CNTNAP5: variants seen among roughly 807,000 people sequenced by gnomAD.
CNTNAP5 encodes contactin-associated protein-like 5.
CNTNAP5 carries 72 observed loss-of-function variants against 150.2 expected under a neutral mutation model. That is an observed-to-expected ratio of 0.48 (90% CI 0.40 to 0.58). CNTNAP5 has a LOEUF of 0.58. CNTNAP5 is among the 20% of genes least tolerant of loss of function. The pLI, the probability that CNTNAP5 is intolerant of heterozygous loss-of-function variation, is 0.00. For missense variants in CNTNAP5, 1,636 were observed against 1,626.2 expected (o/e 1.01, Z -0.10); for synonymous variants, 672 against 619.8 (o/e 1.08, Z -1.25).
chr2:124,590,331 T>A (rs971370592), intron 11 of CNTNAP5, among the ~76,000 whole-genome samples: 1 of 152,270 alleles, frequency 6.6e-6, no homozygotes, highest in South Asian at 2.1e-4. Context: ...TCTCTACCAA[T>A]CTCCTTTTAG....
chr2:124,621,216 T>C (rs1007777177), intron 12 of CNTNAP5, among the ~76,000 whole-genome samples: 1 of 152,124 alleles, frequency 6.6e-6, no homozygotes, highest in African/African-American at 2.4e-5. Flanking sequence ...AGTACAATTG[T>C]ACATTGATAT....
chr2:124,608,148 G>T (rs1435258426), intron 11 of CNTNAP5, among the ~76,000 whole-genome samples: 2 of 152,120 alleles, frequency 1.3e-5, no homozygotes, highest in Admixed American at 1.3e-4. Context: ...GTCACAAGGG[G>T]CAGGAGTTGG....
At position 124,884,030 on chromosome 2, in the gene CNTNAP5, T is replaced by C. The variant is rs184344704; in HGVS notation, c.3436+14268T>C. On this transcript the variant is annotated intron_variant, in intron 21 of 23. Coordinates refer to ENST00000682447, the MANE Select transcript of CNTNAP5 (RefSeq NM_001367498.1). ...CCATGCACGTGCATATGTGTATGCA[T>C]GTGTGCATGCATGTTCCACTCTGTG... is the stretch of plus-strand genomic sequence containing the variant. Among the ~76,000 whole-genome samples the C allele has an allele frequency of 3.9e-5, 6 of 152,226 alleles. No homozygotes were observed. The East Asian group carries it at 1.2e-3, about 30-fold the overall frequency.
intron 6 of CNTNAP5, among the ~76,000 whole-genome samples, chr2:124,448,750 A>C (rs1208344715): frequency 6.6e-6 from 1 of 152,248 alleles, no homozygotes; most frequent in Non-Finnish European, 1.5e-5. Flanking sequence ...AGAGACTCTA[A>C]GTGCTACAGA....
intron 12 of CNTNAP5, among the ~76,000 whole-genome samples, chr2:124,626,907 C>A (rs546119986): frequency 6.6e-6 from 1 of 152,064 alleles, no homozygotes; most frequent in African/African-American, 2.4e-5. Flanking sequence ...TTTAGTTTTC[C>A]CCTGACAGTG....
chr2:124,493,378 T>C (rs1694075935), intron 7 of CNTNAP5, among the ~76,000 whole-genome samples: 1 of 151,696 alleles, frequency 6.6e-6, no homozygotes, highest in Non-Finnish European at 1.5e-5. Context: ...TCTCGCTTTG[T>C]CACTTAGACT....
intron 21 of CNTNAP5, among the ~76,000 whole-genome samples, chr2:124,877,175 A>C (rs1420786949): frequency 6.6e-6 from 1 of 152,094 alleles, no homozygotes; most frequent in Non-Finnish European, 1.5e-5. Flanking sequence ...TAAATGAATC[A>C]CCTCATGATA....
intron 19 of CNTNAP5, among the ~76,000 whole-genome samples, chr2:124,860,489 TTCCTTCCTTCCTTCTTTCCTTCC>T (rs1677498809): frequency 9.2e-5 from 10 of 109,288 alleles, no homozygotes; most frequent in African/African-American, 3.4e-4. Context: ...CCTTCCTTCC[TTCCTTCCTTCCTTCTTTCCTTCC>T]TTCCTTCCTT....
intron 1 of CNTNAP5, among the ~76,000 whole-genome samples, chr2:124,121,272 A>G (rs1274012295): frequency 6.6e-6 from 1 of 152,182 alleles, no homozygotes; most frequent in African/African-American, 2.4e-5. Flanking sequence ...ACTTCAATTT[A>G]TTAGGTACAG....
At chr2:124,529,636 A>C (rs1398312384) in intron 10 of CNTNAP5, among the ~76,000 whole-genome samples, 1 of 152,128 alleles carries the variant, frequency 6.6e-6, no homozygotes, top group African/African-American at 2.4e-5. Context: ...TTTCATTTTT[A>C]ATGTGTTAAT....
chr2:124,253,888 A>G (rs997729178), intron 3 of CNTNAP5, among the ~76,000 whole-genome samples: 9 of 152,024 alleles, frequency 5.9e-5, no homozygotes, highest in African/African-American at 1.9e-4. Context: ...GTCACACTAG[A>G]TCAGGATTAT....
At chr2:124,048,836 T>A (rs1340502948) in intron 1 of CNTNAP5, among the ~76,000 whole-genome samples, 1 of 152,214 alleles carries the variant, frequency 6.6e-6, no homozygotes, top group Non-Finnish European at 1.5e-5. Context: ...CTCATAAGTA[T>A]ACAGCAGAAA....
At chr2:124,551,086 C>T (rs1284760047) in intron 10 of CNTNAP5, among the ~76,000 whole-genome samples, 2 of 152,030 alleles carry the variant, frequency 1.3e-5, no homozygotes, top group Admixed American at 6.5e-5. Flanking sequence ...GTTCAGTGGC[C>T]TTCACTGGCC....
intron 3 of CNTNAP5, among the ~76,000 whole-genome samples, chr2:124,334,521 T>C (rs1035997255): frequency 1.3e-5 from 2 of 152,142 alleles, no homozygotes; most frequent in Non-Finnish European, 2.9e-5. Context: ...GAAGTTTTCA[T>C]GGGAGAAACA....
intron 3 of CNTNAP5, among the ~76,000 whole-genome samples, chr2:124,345,607 T>C (rs1437960826): frequency 1.3e-5 from 2 of 152,224 alleles, no homozygotes; most frequent in South Asian, 4.1e-4. Context: ...CTCTTTCATA[T>C]GTCTGTCTTT....
intron 19 of CNTNAP5, among the ~76,000 whole-genome samples, chr2:124,799,619 C>T (rs537270842): frequency 6.6e-6 from 1 of 152,308 alleles, no homozygotes; most frequent in Admixed American, 6.5e-5. Context: ...AGAGTCCTCT[C>T]CAGGCCTTAT....
chr2:124,332,026 T>C (rs1488962941), intron 3 of CNTNAP5, among the ~76,000 whole-genome samples: 1 of 151,900 alleles, frequency 6.6e-6, no homozygotes, highest in Non-Finnish European at 1.5e-5. Flanking sequence ...ACATAAAATT[T>C]TTATGATTCA....
At chr2:124,800,452 T>G (rs186992521) in intron 19 of CNTNAP5, among the ~76,000 whole-genome samples, 2 of 152,252 alleles carry the variant, frequency 1.3e-5, no homozygotes, top group East Asian at 3.9e-4. Flanking sequence ...TTACTTCTCA[T>G]CACAACCCTG....
In CNTNAP5 at chr2:124,043,857, C is replaced by T. The variant is rs573141663; in HGVS notation, c.82+18125C>T. On this transcript the variant is annotated intron_variant, in intron 1 of 23. Coordinates refer to ENST00000682447, the MANE Select transcript of CNTNAP5 (RefSeq NM_001367498.1). Reference sequence around the variant, plus strand: ...TGGCCCTCAACTAATGTAAATCAGTCTCTTTACTTTTTTCAGGGATAACTG... The same window carrying T: ...TGGCCCTCAACTAATGTAAATCAGTTTCTTTACTTTTTTCAGGGATAACTG... Among the ~76,000 whole-genome samples the T allele has an allele frequency of 7.2e-5, 11 of 152,302 alleles. No individual in the cohort carries two copies. In the South Asian group the frequency reaches 8.3e-4, roughly 11 times the overall value.
Sources: gnomAD v4.1 joint callset for allele counts (sites outside exome capture counted in the v4.1 genomes callset) on GRCh38, gnomAD v4.1.1 for gene constraint, MANE v1.5 for transcripts, NCBI Gene and HGNC (gene_info 2026-07-23, HGNC 2026-07-21) for gene names.